The following ZFHX4 variants were observed in gnomAD, a reference collection of about 807,000 sequenced individuals.
The protein encoded by ZFHX4 is zinc finger homeobox protein 4.
A neutral mutation model predicts 267.6 loss-of-function variants in ZFHX4; 56 were observed. The observed-to-expected ratio is 0.21, with a 90% CI of 0.17 to 0.26. The LOEUF is 0.26. Among genes scored for constraint, ZFHX4 ranks in the 10% least tolerant of loss-of-function variants. ZFHX4 has a pLI of 1.00. For missense variants in ZFHX4, 4,332 were observed against 4,420.0 expected (o/e 0.98, Z 0.56); for synonymous variants, 1,778 against 1,665.6 (o/e 1.07, Z -1.64).
chr8:76,772,235 G>A (rs1419969190), intron 3 of ZFHX4, among the ~76,000 whole-genome samples: 1 of 152,158 alleles, frequency 6.6e-6, no homozygotes, highest in Non-Finnish European at 1.5e-5. Context: ...GAGTAAAAAG[G>A]GAGGGAAATC....
chr8:76,687,901 T>C (rs2131578860), intron 1 of ZFHX4, among the ~76,000 whole-genome samples: 1 of 152,284 alleles, frequency 6.6e-6, no homozygotes, highest in Admixed American at 6.5e-5. Flanking sequence ...GCTGACTGAA[T>C]GACTAAGATG....
chr8:76,805,836 G>A (rs771312074), intron 4 of ZFHX4, among the ~76,000 whole-genome samples: 7 of 151,814 alleles, frequency 4.6e-5, no homozygotes, highest in South Asian at 4.2e-4. Flanking sequence ...CTGAAATTAC[G>A]GTGTAAGTAC....
intron 4 of ZFHX4, among the ~76,000 whole-genome samples, chr8:76,822,545 C>A (rs1811680029): frequency 6.9e-6 from 1 of 145,108 alleles, no homozygotes. Flanking sequence ...CTCAAGTGAT[C>A]CTCCCCACCT....
chr8:76,785,610 C>T (rs145624237), intron 4 of ZFHX4, among the ~76,000 whole-genome samples: 1 of 152,192 alleles, frequency 6.6e-6, no homozygotes, highest in East Asian at 1.9e-4. Flanking sequence ...TTTGTGACCA[C>T]TGACAGTTAT....
At chr8:76,713,198 G>T (rs1407621985) in intron 3 of ZFHX4, among the ~76,000 whole-genome samples, 1 of 152,086 alleles carries the variant, frequency 6.6e-6, no homozygotes, top group Non-Finnish European at 1.5e-5. Context: ...ATATTACATT[G>T]TGAGCTGAGA....
At chr8:76,783,670 G>A (rs1035945261) in intron 4 of ZFHX4, among the ~76,000 whole-genome samples, 11 of 151,928 alleles carry the variant, frequency 7.2e-5, no homozygotes, top group African/African-American at 1.2e-4. Flanking sequence ...ATGTAAGATA[G>A]CCATCATTGG....
chr8:76,856,323 A>C lies in ZFHX4; in HGVS notation c.9379+23A>C, dbSNP rs753970362. On this transcript the variant is annotated intron_variant, in intron 10 of 10. Coordinates refer to ENST00000651372, the MANE Select transcript of ZFHX4 (RefSeq NM_024721.5). ...ACAGTAAGTCATTTAAAGGAGACTC[A>C]GTCTAGTTAATTAAGTAGCATCAGG... is the stretch of plus-strand genomic sequence containing the variant. The C allele has an allele frequency of 3.7e-6, 6 of 1,611,688 alleles. No individual in the cohort carries two copies. In the African/African-American group the frequency reaches 4.0e-5, roughly 11 times the overall value.
chr8:76,848,980 C>A lies in ZFHX4; in HGVS notation c.3512-15C>A, dbSNP rs1433574445. Reference sequence around the variant, plus strand: ...TGTTTTTAAATTGAATTGTTCTATTCTTTTTGGGAATCAGGGATAATCACA... The same window carrying A: ...TGTTTTTAAATTGAATTGTTCTATTATTTTTGGGAATCAGGGATAATCACA... On this transcript the variant is annotated splice_polypyrimidine_tract_variant and intron_variant, in intron 6 of 10. Coordinates refer to ENST00000651372, the MANE Select transcript of ZFHX4 (RefSeq NM_024721.5). The A allele has an allele frequency of 6.7e-7, 1 of 1,503,578 alleles. No homozygotes were observed. Among genetic ancestry groups the A allele is most frequent in the Non-Finnish European group, 8.9e-7 (1 of 1,129,324 alleles). 93.1% of individuals were successfully genotyped at this position (1,503,578 alleles called of 1,614,324 possible).
intron 3 of ZFHX4, among the ~76,000 whole-genome samples, chr8:76,720,393 A>C (rs1169875488): frequency 1.3e-5 from 2 of 152,122 alleles, no homozygotes. Context: ...GGTATAGTAC[A>C]CTTTATTTAT....
intron 3 of ZFHX4, among the ~76,000 whole-genome samples, chr8:76,776,283 G>A (rs539953529): frequency 1.3e-5 from 2 of 152,062 alleles, no homozygotes; most frequent in African/African-American, 4.8e-5. Context: ...GAAAAAAAAA[G>A]GGAGTTTAAT....
intron 10 of ZFHX4, 72 bp from the exon 11 acceptor site, chr8:76,863,022 G>T: frequency 1.4e-6 from 2 of 1,443,288 alleles, no homozygotes; most frequent in Non-Finnish European, 1.8e-6. Flanking sequence ...GTTCTATTTA[G>T]GTGTTAAGCA....
At position 76,863,919 on chromosome 8, in the gene ZFHX4, A is replaced by C; in HGVS notation, c.10205A>C (p.Glu3402Ala). ...DTYVVPFVKY[E>A]FICRKCQMMF... ...TACGTTGTTCCATTCGTCAAGTATG[A>C]GTTTATATGCAGAAAGTGCCAGATG... Residue 3402 changes from glutamate to alanine, a missense_variant, in exon 11 of 11, where the codon GAG becomes GCG. Physicochemically the swap from Glu to Ala is moderately radical, Grantham distance 107 (BLOSUM62 -1). Transcript: ENST00000651372. The C allele has an allele frequency of 6.3e-7, 1 of 1,592,250 alleles. No homozygotes were observed. The highest frequency in any genetic ancestry group is 8.6e-7 in the Non-Finnish European group (1 of 1,168,652).
intron 4 of ZFHX4, among the ~76,000 whole-genome samples, chr8:76,826,642 C>T (rs1182759329): frequency 6.6e-6 from 1 of 152,008 alleles, no homozygotes; most frequent in Non-Finnish European, 1.5e-5. Context: ...GTCTAAAGTA[C>T]TTAAAATAGT....
intron 4 of ZFHX4, among the ~76,000 whole-genome samples, chr8:76,822,582 G>A (rs530097323): frequency 4.4e-4 from 67 of 150,692 alleles, no homozygotes; most frequent in African/African-American, 1.6e-3. Context: ...TCGGACTACA[G>A]GTGTGCTCCA....
intron 6 of ZFHX4, among the ~76,000 whole-genome samples, chr8:76,847,159 TATC>T (rs1202996834): frequency 6.6e-6 from 1 of 152,180 alleles, no homozygotes; most frequent in African/African-American, 2.4e-5. Context: ...AAATATAAAA[TATC>T]ATAGTTTTCT....
intron 4 of ZFHX4, among the ~76,000 whole-genome samples, chr8:76,824,314 GA>G (rs1811730166): frequency 6.6e-6 from 1 of 152,156 alleles, no homozygotes; most frequent in Non-Finnish European, 1.5e-5. Flanking sequence ...GAATAATCTA[GA>G]AAATTACTCA....
At chr8:76,780,327 C>A (rs1197266496) in intron 4 of ZFHX4, among the ~76,000 whole-genome samples, 7 of 152,182 alleles carry the variant, frequency 4.6e-5, no homozygotes, top group African/African-American at 7.2e-5. Context: ...TCTCTGTAAG[C>A]TTATACTCAA....
chr8:76,815,112 A>T (rs1054888956), intron 4 of ZFHX4, among the ~76,000 whole-genome samples: 2 of 152,204 alleles, frequency 1.3e-5, no homozygotes, highest in African/African-American at 4.8e-5. Flanking sequence ...AGAGTGAGGG[A>T]AATTATTTGC....
At chr8:76,733,568 A>G (rs1253992520) in intron 3 of ZFHX4, 1 of 152,236 alleles carries the variant, frequency 6.6e-6, no homozygotes, top group Admixed American at 6.5e-5. Flanking sequence ...GTTTTGAGTC[A>G]GTGCTACTTG....
Sources: allele counts gnomAD v4.1 joint callset (sites outside exome capture counted in the v4.1 genomes callset), GRCh38; gene constraint gnomAD v4.1.1; transcripts MANE v1.5; gene names NCBI Gene and HGNC (gene_info 2026-07-23, HGNC 2026-07-21).